CPNE4: variants seen among roughly 807,000 people sequenced by gnomAD.
The protein encoded by CPNE4 is copine-4.
A neutral mutation model predicts 67.9 loss-of-function variants in CPNE4; 25 were observed. The observed-to-expected ratio is 0.37, with a 90% CI of 0.27 to 0.51. The LOEUF (loss-of-function observed/expected upper bound fraction) is 0.51, where lower values mean the gene tolerates loss of function less well. Among genes scored for constraint, CPNE4 ranks in the 20% least tolerant of loss-of-function variants. CPNE4 has a pLI of 0.93. For missense variants in CPNE4, 464 were observed against 690.8 expected (o/e 0.67, Z 3.68); for synonymous variants, 242 against 244.9 (o/e 0.99, Z 0.11).
rs573825517 is a variant in CPNE4, at chr3:131,700,089, C to T, written c.361-109G>A. 1.6e-5 allele frequency: 8 copies of T among 491,842 alleles called. No individual in the cohort carries two copies. The South Asian group carries it at 2.0e-4, about 12-fold the overall frequency. 30.5% of individuals were successfully genotyped at this position (491,842 alleles called of 1,614,324 possible). A position where few individuals can be genotyped will look rare whatever the true frequency, so the allele number is the denominator to read the frequency against. On this transcript the variant is annotated intron_variant, in intron 3 of 15. Transcript: ENST00000429747. ...TTTTTTTTTTTTTTACAAAACTCTG[C>T]ATTCACGTTTGTGTCAATTTATATT...
At chr3:131,696,057 G>A (rs2081149034) in intron 5 of CPNE4, among the ~76,000 whole-genome samples, 1 of 152,156 alleles carries the variant, frequency 6.6e-6, no homozygotes, top group Non-Finnish European at 1.5e-5. Flanking sequence ...AATGATGAAT[G>A]AATGAACAAA....
intron 6 of CPNE4, among the ~76,000 whole-genome samples, chr3:131,681,580 G>T (rs150961468): frequency 6.6e-6 from 1 of 152,216 alleles, no homozygotes; most frequent in African/African-American, 2.4e-5. Context: ...TTGGGGGTTT[G>T]ATTATTAACT....
chr3:132,012,971 C>T (rs540201548), intron 1 of CPNE4, among the ~76,000 whole-genome samples: 2 of 152,226 alleles, frequency 1.3e-5, no homozygotes, highest in African/African-American at 4.8e-5. Context: ...GCCTGTAATC[C>T]CAGCACTTTG....
At chr3:131,643,412 G>A (rs1039278147) in intron 7 of CPNE4, among the ~76,000 whole-genome samples, 1 of 152,138 alleles carries the variant, frequency 6.6e-6, no homozygotes, top group African/African-American at 2.4e-5. Context: ...ATTTGGATTG[G>A]GTGTATTTAC....
chr3:131,650,480 G>A lies in CPNE4; in HGVS notation c.681+19195C>T, dbSNP rs557576672. The stretch of plus-strand genomic sequence containing the variant: ...CTTTAAAAATTCTATTATTGCGGCC[G>A]GGCGCGGTGGCTCACGCTTGTAATC... On this transcript the variant is annotated intron_variant, in intron 7 of 15. Coordinates refer to ENST00000429747, the MANE Select transcript of CPNE4 (RefSeq NM_130808.3). 1.1e-3 allele frequency among the ~76,000 whole-genome samples: 157 copies of A among 142,242 alleles called. 11 individuals carry two copies. Among genetic ancestry groups the A allele is most frequent in the African/African-American group, 4.5e-3 (146 of 32,276 alleles). 93.3% of individuals were successfully genotyped at this position (142,242 alleles called of 152,430 possible).
intron 7 of CPNE4, among the ~76,000 whole-genome samples, chr3:131,598,879 T>G (rs1319205371): frequency 3.5e-5 from 4 of 114,582 alleles, no homozygotes; most frequent in Non-Finnish European, 5.1e-5. Flanking sequence ...TTACCCAAAG[T>G]GGTCCATGGA....
At chr3:131,692,207 T>C (rs897289490) in intron 5 of CPNE4, among the ~76,000 whole-genome samples, 9 of 152,140 alleles carry the variant, frequency 5.9e-5, no homozygotes, top group Non-Finnish European at 1.2e-4. Context: ...ATCTGAAAGA[T>C]GTAGGCATAT....
chr3:131,709,993 T>C (rs570404596), intron 3 of CPNE4, among the ~76,000 whole-genome samples: 3 of 152,326 alleles, frequency 2.0e-5, no homozygotes, highest in African/African-American at 7.2e-5. Flanking sequence ...TATCTGTTAT[T>C]GTATCATGTA....
intron 2 of CPNE4, among the ~76,000 whole-genome samples, chr3:131,880,527 T>A (rs2087634521): frequency 2.0e-5 from 3 of 152,184 alleles, no homozygotes; most frequent in African/African-American, 4.8e-5. Context: ...GGAGCTGAAG[T>A]GAAGCCATCC....
At position 131,892,618 on chromosome 3, in the gene CPNE4, CAAA is replaced by C. The variant is rs67788570; in HGVS notation, c.180+12643_180+12645del. On this transcript the variant is annotated intron_variant, in intron 2 of 15. Coordinates refer to ENST00000429747, the MANE Select transcript of CPNE4 (RefSeq NM_130808.3). ...TTAAAGTCAAAATAGTCAAAAACAA[CAAA>C]AGCTACATTTAGTGACTAAGGAACA... 1.6e-3 allele frequency among the ~76,000 whole-genome samples: 249 copies of C among 152,102 alleles called. 1 individual carries two copies. The highest frequency in any genetic ancestry group is 5.5e-3 in the African/African-American group (230 of 41,530).
chr3:131,612,415 C>A (rs1939903353), intron 7 of CPNE4, among the ~76,000 whole-genome samples: 2 of 152,052 alleles, frequency 1.3e-5, no homozygotes, highest in Admixed American at 1.3e-4. Context: ...AATATTGAAG[C>A]TACTATGCAA....
chr3:131,848,956 C>CAAAAAAAAAAAAAAAAAAAAAAA (rs67407668), intron 2 of CPNE4, among the ~76,000 whole-genome samples: 4 of 79,632 alleles, frequency 5.0e-5, no homozygotes, highest in South Asian at 4.7e-4. Context: ...GTAGTGATTA[C>CAAAAAAAAAAAAAAAAAAAAAAA]AAAAAAAAAA....
intron 5 of CPNE4, among the ~76,000 whole-genome samples, chr3:131,693,578 C>T (rs1341268670): frequency 6.6e-6 from 1 of 152,086 alleles, no homozygotes; most frequent in African/African-American, 2.4e-5. Context: ...CATCATGCAG[C>T]CTCTGGAAAA....
chr3:131,723,387 G>C, intron 3 of CPNE4, 59 bp downstream of exon 3: 3 of 1,431,816 alleles, frequency 2.1e-6, no homozygotes, highest in Non-Finnish European at 2.9e-6. Flanking sequence ...AGAGGGAAAG[G>C]GGGCAGGAAG....
At chr3:132,003,848 C>T (rs182983794) in intron 1 of CPNE4, among the ~76,000 whole-genome samples, 7 of 152,212 alleles carry the variant, frequency 4.6e-5, no homozygotes, top group African/African-American at 1.2e-4. Flanking sequence ...AGGCTGCTGA[C>T]AGCTAGGGGC....
intron 1 of CPNE4, among the ~76,000 whole-genome samples, chr3:131,995,475 G>T (rs2073268309): frequency 6.6e-6 from 1 of 151,978 alleles, no homozygotes; most frequent in Non-Finnish European, 1.5e-5. Flanking sequence ...ACAAAACATT[G>T]CATCCGACCA....
intron 4 of CPNE4, among the ~76,000 whole-genome samples, chr3:131,699,218 A>G (rs2081236090): frequency 6.6e-6 from 1 of 152,244 alleles, no homozygotes; most frequent in Non-Finnish European, 1.5e-5. Flanking sequence ...GCATTACCCA[A>G]TAGAACATTC....
intron 7 of CPNE4, among the ~76,000 whole-genome samples, chr3:131,624,804 C>A (rs1307830723): frequency 6.6e-6 from 1 of 152,192 alleles, no homozygotes; most frequent in Admixed American, 6.5e-5. Flanking sequence ...TCTTTCCCTA[C>A]ACTCACATAG....
chr3:131,638,131 A>T (rs2079441909), intron 7 of CPNE4, among the ~76,000 whole-genome samples: 1 of 152,160 alleles, frequency 6.6e-6, no homozygotes, highest in Admixed American at 6.5e-5. Flanking sequence ...ACAATGAAAA[A>T]AAAACCACAA....
Sources: gnomAD v4.1 joint callset for allele counts (sites outside exome capture counted in the v4.1 genomes callset) on GRCh38, gnomAD v4.1.1 for gene constraint, MANE v1.5 for transcripts, NCBI Gene and HGNC (gene_info 2026-07-23, HGNC 2026-07-21) for gene names.